Variants in MROH7 observed in about 807,000 individuals in gnomAD.
The protein encoded by MROH7 is maestro heat like repeat family member 7.
Under a neutral mutation model 129.2 loss-of-function variants are expected in MROH7, and 113 were observed. The ratio of observed to expected loss-of-function variants is 0.87; its 90% CI spans 0.75 to 1.02. The LOEUF (loss-of-function observed/expected upper bound fraction) is 1.02, where lower values mean the gene tolerates loss of function less well. Ranked by LOEUF, MROH7 falls within the 50% of genes least tolerant of loss-of-function variation. MROH7 has a pLI of 0.00. For missense variants in MROH7, 1,601 were observed against 1,671.3 expected (o/e 0.96, Z 0.73); for synonymous variants, 655 against 667.9 (o/e 0.98, Z 0.30).
At chr1:54,646,941 C>T (rs1342722313) in intron 1 of MROH7, among the ~76,000 whole-genome samples, 2 of 152,308 alleles carry the variant, frequency 1.3e-5, no homozygotes, top group African/African-American at 4.8e-5. Context: ...ATAATGTCTT[C>T]AAAGTTTATC....
At chr1:54,704,793 CTTTTTTTTTTTT>C (rs750428757) in intron 21 of MROH7, among the ~76,000 whole-genome samples, 765 of 67,860 alleles carry the variant, frequency 0.011, 18 homozygotes, top group Non-Finnish European at 0.014. Context: ...CAATGTAGCT[CTTTTTTTTTTTT>C]TTTTTTTTTT....
intron 3 of MROH7, among the ~76,000 whole-genome samples, chr1:54,657,068 G>A (rs1644661297): frequency 1.6e-5 from 2 of 121,854 alleles, no homozygotes; most frequent in African/African-American, 6.1e-5. Context: ...TTTTTTTTTA[G>A]ACATGATCTC....
chr1:54,702,612 T>C lies in MROH7; in HGVS notation c.3442-11T>C, dbSNP rs201946716. The C allele has an allele frequency of 1.3e-3, 2,016 of 1,583,208 alleles. 10 individuals carry two copies. The highest frequency in any genetic ancestry group is 7.9e-3 in the Middle Eastern group (47 of 5,924). On this transcript the variant is annotated splice_polypyrimidine_tract_variant and intron_variant, in intron 20 of 23. Coordinates refer to ENST00000421030, the MANE Select transcript of MROH7 (RefSeq NM_001039464.4). ...CCACAGTTCTGATATTTTCTTCCTATTGGTTCCCAGAAGTGTGTGAAGACC... is the reference window on the plus strand; with the variant it reads ...CCACAGTTCTGATATTTTCTTCCTACTGGTTCCCAGAAGTGTGTGAAGACC...
intron 3 of MROH7, among the ~76,000 whole-genome samples, chr1:54,662,874 T>C (rs1486182920): frequency 6.6e-6 from 1 of 152,222 alleles, no homozygotes; most frequent in Non-Finnish European, 1.5e-5. Flanking sequence ...CATTTGAAGA[T>C]GACAGGCAAG....
chr1:54,652,707 A>T, intron 2 of MROH7, 146 bp from the exon 3 acceptor site: 1 of 518,064 alleles, frequency 1.9e-6, no homozygotes, highest in Non-Finnish European at 3.3e-6. Context: ...GGCAAGTGGC[A>T]AGTGATGGGC....
At chr1:54,682,069 G>A (rs1008951462) in intron 13 of MROH7, among the ~76,000 whole-genome samples, 1 of 152,102 alleles carries the variant, frequency 6.6e-6, no homozygotes, top group South Asian at 2.1e-4. Flanking sequence ...TACAGTAAAT[G>A]CTCAGCTAAT....
rs748940237 is a variant in MROH7, at chr1:54,673,739, G to A, written c.1734G>A (p.Glu578=). 6.2e-7 allele frequency: 1 copy of A among 1,614,138 alleles called. No homozygotes were observed. Among genetic ancestry groups the A allele is most frequent in the Non-Finnish European group, 8.5e-7 (1 of 1,180,004 alleles). Residue 578 remains glutamate (E), a synonymous_variant, in exon 9 of 24, where the codon GAG becomes GAA. Coordinates refer to ENST00000421030, the MANE Select transcript of MROH7 (RefSeq NM_001039464.4). ...GPWMNSGKAH[E]RARAVNTNVS... ...GGATGAACTCTGGGAAGGCCCATGA[G>A]CGAGCACGGGCTGTGAACACCAATG...
chr1:54,689,148 T>C (rs1256581370), intron 15 of MROH7, among the ~76,000 whole-genome samples: 2 of 152,180 alleles, frequency 1.3e-5, no homozygotes, highest in African/African-American at 4.8e-5. Flanking sequence ...GATCTCAAGA[T>C]GAGGTCCTCC....
chr1:54,680,006 TTG>T lies in MROH7; in HGVS notation c.2345_2346del (p.Val782GlyfsTer25). 6.2e-7 allele frequency: 1 copy of T among 1,613,900 alleles called. No individual in the cohort carries two copies. Among genetic ancestry groups the T allele is most frequent in the South Asian group, 1.1e-5 (1 of 91,072 alleles). On this transcript the variant is annotated frameshift_variant, in exon 13 of 24. Transcript: ENST00000421030. LOFTEE classifies it high-confidence loss of function. ...CTGGCTAGCTCCTTCATGACCGAGG[TTG>T]TGGTGGCCCTGCTCATGTGCCCCCT...
In MROH7 at chr1:54,674,018, G is replaced by A. The variant is rs200190307; in HGVS notation, c.1803G>A (p.Met601Ile). ...CCCTAAGATTGCAATACAAACAGAT[G>A]CCCTTGGGGTTCCCGGCGCTGGGGC... is the stretch of plus-strand genomic sequence containing the variant. ...NHMLLTLPFF[M>I]PLGFPALGLL... The change falls in exon 10 of 24, where the codon ATG (methionine) becomes ATA (isoleucine). Residue 601 changes from methionine (M) to isoleucine (I), a missense_variant and splice_region_variant. By Grantham distance (10) the Met-to-Ile change is conservative. Coordinates refer to ENST00000421030, the MANE Select transcript of MROH7 (RefSeq NM_001039464.4). 6.2e-7 allele frequency: 1 copy of A among 1,613,722 alleles called. No homozygotes were observed. The highest frequency in any genetic ancestry group is 8.5e-7 in the Non-Finnish European group (1 of 1,179,880).
chr1:54,692,618 G>A (rs1167138197), intron 16 of MROH7, 57 bp downstream of exon 16: 1 of 1,564,730 alleles, frequency 6.4e-7, no homozygotes, highest in Non-Finnish European at 8.6e-7. Context: ...GGGGACCTCA[G>A]GATCTTCAGA....
At chr1:54,674,182 G>A (rs1433314945) in intron 10 of MROH7, 31 bp downstream of exon 10, 2 of 1,599,034 alleles carry the variant, frequency 1.3e-6, no homozygotes, top group Admixed American at 1.7e-5. Flanking sequence ...TCTGAAGGAA[G>A]TCTTCTGAGT....
intron 1 of MROH7, among the ~76,000 whole-genome samples, chr1:54,647,571 C>T (rs530306193): frequency 6.8e-4 from 104 of 152,116 alleles, no homozygotes; most frequent in Middle Eastern, 6.8e-3. Context: ...GAAACCCCGT[C>T]GCTACTAAAA....
intron 17 of MROH7, 164 bp from the exon 18 acceptor site, chr1:54,700,157 T>C: frequency 1.1e-6 from 1 of 876,222 alleles, no homozygotes; most frequent in South Asian, 1.4e-5. Context: ...CACATGGTGC[T>C]GATGGACATC....
chr1:54,652,323 A>G (rs1039905875), intron 2 of MROH7, among the ~76,000 whole-genome samples: 3 of 152,184 alleles, frequency 2.0e-5, no homozygotes, highest in African/African-American at 7.2e-5. Flanking sequence ...ACATGTGGCC[A>G]GCTGGAAGTG....
chr1:54,643,076 A>G lies in MROH7; in HGVS notation c.-110+1108A>G, dbSNP rs1257492678. Among the ~76,000 whole-genome samples the G allele has an allele frequency of 5.3e-5, 8 of 152,250 alleles. No homozygotes were observed. In the East Asian group the frequency reaches 9.6e-4, roughly 18 times the overall value. ...GTGCCATGTGCTATGTGCTGGGAAA[A>G]TAGGGGTAACAAGATAGCCAGACAC... On this transcript the variant is annotated intron_variant, in intron 1 of 23. Coordinates refer to ENST00000421030, the MANE Select transcript of MROH7 (RefSeq NM_001039464.4).
At position 54,653,949 on chromosome 1, in the gene MROH7, C is replaced by T. The variant is rs1389328484; in HGVS notation, c.1023C>T (p.Ser341=). 6.2e-7 allele frequency: 1 copy of T among 1,614,202 alleles called. No homozygotes were observed. Among genetic ancestry groups the T allele is most frequent in the Non-Finnish European group, 8.5e-7 (1 of 1,180,048 alleles). ...CCAATGAGACTCTGAGCCTGGACTC[C>T]AGCCTCCTGTTCAGCGACACCTCCA... ...LGSNETLSLD[S]SLLFSDTSTL... Residue 341 remains serine (S), a synonymous_variant, in exon 3 of 24, where the codon TCC becomes TCT. Transcript: ENST00000421030.
intron 16 of MROH7, among the ~76,000 whole-genome samples, chr1:54,694,876 G>A (rs1645295966): frequency 6.6e-6 from 1 of 152,216 alleles, no homozygotes; most frequent in Admixed American, 6.5e-5. Context: ...TGGAATGTGA[G>A]CCCTCGGTTG....
intron 1 of MROH7, among the ~76,000 whole-genome samples, chr1:54,642,242 C>G (rs1644399760): frequency 6.6e-6 from 1 of 152,126 alleles, no homozygotes; most frequent in Non-Finnish European, 1.5e-5. Flanking sequence ...GGGCCAGGCC[C>G]TGCGATCATC....
Sources: gnomAD v4.1 joint callset for allele counts (sites outside exome capture counted in the v4.1 genomes callset) on GRCh38, gnomAD v4.1.1 for gene constraint, MANE v1.5 for transcripts, NCBI Gene and HGNC (gene_info 2026-07-23, HGNC 2026-07-21) for gene names.